Variants in SHC3 observed in about 807,000 individuals in gnomAD.
SHC3 encodes the protein SHC-transforming protein 3.
A neutral mutation model predicts 60.4 loss-of-function variants in SHC3; 15 were observed. The observed-to-expected ratio is 0.25, with a 90% CI of 0.17 to 0.38. The LOEUF (loss-of-function observed/expected upper bound fraction) is 0.38, where lower values mean the gene tolerates loss of function less well. Among genes scored for constraint, SHC3 ranks in the 10% least tolerant of loss-of-function variants. The pLI, the probability that SHC3 is intolerant of heterozygous loss-of-function variation, is 1.00. For missense variants in SHC3, 677 were observed against 786.1 expected (o/e 0.86, Z 1.66); for synonymous variants, 294 against 325.9 (o/e 0.90, Z 1.05).
chr9:89,015,640 G>T (rs763358405), intron 11 of SHC3, among the ~76,000 whole-genome samples: 1 of 152,220 alleles, frequency 6.6e-6, no homozygotes, highest in Non-Finnish European at 1.5e-5. Context: ...TCTGCCCAGA[G>T]AACTTATAGC....
At chr9:89,037,358 G>A in intron 11 of SHC3, 1 of 609,198 alleles carries the variant, frequency 1.6e-6, no homozygotes, top group Non-Finnish European at 2.9e-6. Flanking sequence ...TCACTCAATG[G>A]TTAGGTTGAT....
chr9:89,129,722 C>T (rs1826216920), intron 1 of SHC3, among the ~76,000 whole-genome samples: 1 of 152,158 alleles, frequency 6.6e-6, no homozygotes, highest in African/African-American at 2.4e-5. Context: ...GACTTTGTCA[C>T]CACCAGGCCT....
intron 1 of SHC3, among the ~76,000 whole-genome samples, chr9:89,113,989 A>G (rs1825987049): frequency 6.6e-6 from 1 of 152,190 alleles, no homozygotes; most frequent in Non-Finnish European, 1.5e-5. Context: ...TACCACCAGC[A>G]TCAAAGCCAC....
intron 1 of SHC3, among the ~76,000 whole-genome samples, chr9:89,139,418 A>T (rs1473348165): frequency 6.6e-6 from 1 of 152,226 alleles, no homozygotes; most frequent in Non-Finnish European, 1.5e-5. Flanking sequence ...TATAAAGTGC[A>T]GTAAGAATAA....
chr9:89,166,851 C>T (rs929762239), intron 1 of SHC3, among the ~76,000 whole-genome samples: 1 of 152,122 alleles, frequency 6.6e-6, no homozygotes, highest in East Asian at 1.9e-4. Context: ...ATAAGACAGG[C>T]GAAGGTAATA....
intron 11 of SHC3, among the ~76,000 whole-genome samples, chr9:89,023,102 G>C (rs1338922663): frequency 1.3e-5 from 2 of 152,172 alleles, no homozygotes; most frequent in Admixed American, 6.5e-5. Flanking sequence ...GCAGGCGCAG[G>C]CTTCCTCTAT....
At chr9:89,122,386 C>T (rs1826103831) in intron 1 of SHC3, among the ~76,000 whole-genome samples, 1 of 152,200 alleles carries the variant, frequency 6.6e-6, no homozygotes, top group South Asian at 2.1e-4. Context: ...TTAAAATTGT[C>T]GTCATTGCCA....
At chr9:89,147,672 G>A (rs964134099) in intron 1 of SHC3, among the ~76,000 whole-genome samples, 1 of 151,966 alleles carries the variant, frequency 6.6e-6, no homozygotes, top group Non-Finnish European at 1.5e-5. Context: ...CAGTTTGCAC[G>A]ATGCCTTTTT....
At chr9:89,140,312 G>C (rs1195037094) in intron 1 of SHC3, among the ~76,000 whole-genome samples, 2 of 152,056 alleles carry the variant, frequency 1.3e-5, no homozygotes, top group Non-Finnish European at 2.9e-5. Context: ...TAATAAGCAG[G>C]GACAGCTGGA....
At position 89,046,899 on chromosome 9, in the gene SHC3, C is replaced by G; in HGVS notation, c.1058G>C (p.Gly353Ala). Residue 353 changes from glycine (G) to alanine (A), a missense_variant, in exon 8 of 12, where the codon GGG becomes GCG. Coordinates refer to ENST00000375835, the MANE Select transcript of SHC3 (RefSeq NM_016848.6). ...TTTCAGTCTAGTATCAAGAAAGCCC[C>G]CTGGAGGAGGCATCTTGCTTGGGAT... ...NSIPSKMPPP[G>A]GFLDTRLKPR... The G allele has an allele frequency of 6.2e-7, 1 of 1,610,536 alleles. No homozygotes were observed. The highest frequency in any genetic ancestry group is 8.5e-7 in the Non-Finnish European group (1 of 1,178,546).
chr9:89,083,794 C>T (rs879936310), intron 2 of SHC3, among the ~76,000 whole-genome samples: 4 of 152,080 alleles, frequency 2.6e-5, no homozygotes, highest in South Asian at 2.1e-4. Flanking sequence ...TTCTCCATCC[C>T]GAAGCTGTTG....
At chr9:89,077,797 A>C (rs377610573) in intron 3 of SHC3, 43 bp downstream of exon 3, 14 of 1,609,288 alleles carry the variant, frequency 8.7e-6, no homozygotes, top group African/African-American at 1.3e-5. Flanking sequence ...AAAAAGAGGA[A>C]GTAGAGGAGA....
chr9:89,067,811 T>C (rs181619609), intron 5 of SHC3, among the ~76,000 whole-genome samples: 1 of 152,322 alleles, frequency 6.6e-6, no homozygotes, highest in East Asian at 1.9e-4. Flanking sequence ...GGCCTTACAA[T>C]GTTTACTTGT....
intron 1 of SHC3, among the ~76,000 whole-genome samples, chr9:89,130,413 A>T (rs1053251097): frequency 1.3e-5 from 2 of 152,210 alleles, no homozygotes; most frequent in Non-Finnish European, 2.9e-5. Context: ...CACCAAGTGG[A>T]TGTAATAGAC....
chr9:89,052,026 G>A lies in SHC3; in HGVS notation c.962+11C>T, dbSNP rs771733817. ...ATAGGCTATTGCAAATGGTGTCACA[G>A]CACTACTCACCGATCATGGAGAGCG... On this transcript the variant is annotated intron_variant, in intron 7 of 11. Coordinates refer to ENST00000375835, the MANE Select transcript of SHC3 (RefSeq NM_016848.6). 6.2e-7 allele frequency: 1 copy of A among 1,612,900 alleles called. No homozygotes were observed. The highest frequency in any genetic ancestry group is 8.5e-7 in the Non-Finnish European group (1 of 1,179,182).
At chr9:89,063,228 C>G (rs1365052996) in intron 6 of SHC3, among the ~76,000 whole-genome samples, 1 of 152,102 alleles carries the variant, frequency 6.6e-6, no homozygotes, top group Non-Finnish European at 1.5e-5. Context: ...GTCCCAGGTT[C>G]AAGCGATTCT....
At position 89,075,145 on chromosome 9, in the gene SHC3, C is replaced by G. The variant is rs746827118; in HGVS notation, c.693G>C (p.Thr231=). Residue 231 remains threonine (T), a synonymous_variant, in exon 4 of 12, where the codon ACG becomes ACC. Coordinates refer to ENST00000375835, the MANE Select transcript of SHC3 (RefSeq NM_016848.6). ...CCGGAGTTCGCAGGTTCAGACTGGC[C>G]GTGGAGATGGTCAGAGAGATGCTCA... The part of the protein sequence containing the change: ...AGMSISLTIS[T]ASLNLRTPDS... 3.7e-6 allele frequency: 6 copies of G among 1,613,820 alleles called. No individual in the cohort carries two copies. The highest frequency in any genetic ancestry group is 2.7e-5 in the African/African-American group (2 of 74,838).
chr9:89,171,307 G>A (rs1007364217), intron 1 of SHC3, among the ~76,000 whole-genome samples: 2 of 151,738 alleles, frequency 1.3e-5, no homozygotes, highest in Non-Finnish European at 2.9e-5. Context: ...TGTTTGCAAA[G>A]CAAAAAGCAC....
intron 1 of SHC3, among the ~76,000 whole-genome samples, chr9:89,145,103 C>T (rs76439260): frequency 0.013 from 1,988 of 152,200 alleles, 20 homozygotes; most frequent in South Asian, 0.033. Flanking sequence ...CACCCACATC[C>T]CCAGGAGTAC....
Sources: allele counts gnomAD v4.1 joint callset (sites outside exome capture counted in the v4.1 genomes callset), GRCh38; gene constraint gnomAD v4.1.1; transcripts MANE v1.5; gene names NCBI Gene and HGNC (gene_info 2026-07-23, HGNC 2026-07-21).